The following TOP2B variants were observed in gnomAD, a reference collection of about 807,000 sequenced individuals.
The protein encoded by TOP2B is DNA topoisomerase 2-beta.
TOP2B carries 51 observed loss-of-function variants against 193.5 expected under a neutral mutation model. The ratio of observed to expected loss-of-function variants is 0.26; its 90% CI spans 0.21 to 0.33. TOP2B has a LOEUF of 0.33. Among genes scored for constraint, TOP2B ranks in the 10% least tolerant of loss-of-function variants. TOP2B has a pLI of 1.00. For synonymous variants in TOP2B, 634 were observed against 635.7 expected, an observed-to-expected ratio of 1.00 and a Z score of 0.04; for missense variants, 1,378 against 1,909.3, an observed-to-expected ratio of 0.72 and a Z score of 5.19.
Position 25,633,774 on chromosome 3 carries a change from T to C in TOP2B, c.1026+67A>G, listed in dbSNP as rs1040829369. ...TTTGGGGGTTGTGGATATTGTTATT[T>C]GTTTTGTAGTTTTTATTGAAGTACT... On this transcript the variant is annotated intron_variant, in intron 8 of 35. Coordinates refer to ENST00000264331, the MANE Select transcript of TOP2B (RefSeq NM_001330700.2). 6 of 1,339,704 alleles carry C rather than the reference T, an allele frequency of 4.5e-6. No homozygotes were observed. The African/African-American group carries it at 9.0e-5, about 20-fold the overall frequency. The allele number at this position is 1,339,704 out of a possible 1,614,324, so 83.0% of individuals were successfully genotyped here. A position where few individuals can be genotyped will look rare whatever the true frequency, so the allele number is the denominator to read the frequency against.
Position 25,627,177 on chromosome 3 carries a change from A to G in TOP2B, c.2016+10T>C. Reference sequence around the variant, plus strand: ...GCTAACAAAAGCTTTTAAAAAATTAACTTAATTACCAAGGTAATGGCAGCA... The same window carrying G: ...GCTAACAAAAGCTTTTAAAAAATTAGCTTAATTACCAAGGTAATGGCAGCA... On this transcript the variant is annotated intron_variant, in intron 16 of 35. Coordinates refer to ENST00000264331, the MANE Select transcript of TOP2B (RefSeq NM_001330700.2). The G allele has an allele frequency of 6.3e-7, 1 of 1,578,196 alleles. No individual in the cohort carries two copies. The highest frequency in any genetic ancestry group is 8.6e-7 in the Non-Finnish European group (1 of 1,160,250).
Position 25,607,286 on chromosome 3 carries a change from A to C in TOP2B, c.4183T>G (p.Leu1395Val), listed in dbSNP as rs115100264. The change falls in exon 31 of 36, where the codon TTG becomes GTG. Residue 1395 changes from leucine to valine, a missense_variant. Physicochemically the swap from Leu to Val is conservative, Grantham distance 32. This residue lies in a region of TOP2B where 556 missense variants were observed against 584.2 expected (regional missense o/e 0.95). Coordinates refer to ENST00000264331, the MANE Select transcript of TOP2B (RefSeq NM_001330700.2). Reference sequence around the variant, plus strand: ...GTTATGGGAGATGCTTTAACTTTCAATTCCTCTAAATCATTATTGTCATCA... The same window carrying C: ...GTTATGGGAGATGCTTTAACTTTCACTTCCTCTAAATCATTATTGTCATCA... ...DDDDNNDLEE[L>V]KVKASPITND... 4 of 1,564,692 alleles carry C rather than the reference A, an allele frequency of 2.6e-6. No homozygotes were observed. The African/African-American group carries it at 5.4e-5, about 21-fold the overall frequency.
intron 1 of TOP2B, among the ~76,000 whole-genome samples, chr3:25,663,704 C>T (rs777039307): frequency 1.3e-5 from 2 of 152,142 alleles, no homozygotes; most frequent in Non-Finnish European, 2.9e-5. Flanking sequence ...CAATTGAGCG[C>T]ATTGAATGAG....
At chr3:25,643,577 G>C (rs946845026) in intron 3 of TOP2B, 117 bp downstream of exon 3, 3 of 694,194 alleles carry the variant, frequency 4.3e-6, no homozygotes, top group Middle Eastern at 2.8e-4. Context: ...TATTCAGAAG[G>C]ATAAAAGCCA....
chr3:25,601,293 T>C (rs541759913), intron 33 of TOP2B, 68 bp from the exon 34 acceptor site: 64 of 1,523,132 alleles, frequency 4.2e-5, no homozygotes, highest in East Asian at 4.2e-4. Flanking sequence ...GAGAGTCCTA[T>C]ATAAATGGAA....
intron 28 of TOP2B, among the ~76,000 whole-genome samples, chr3:25,611,994 G>A (rs1389648222): frequency 6.6e-6 from 1 of 151,804 alleles, no homozygotes; most frequent in South Asian, 2.1e-4. Flanking sequence ...CCAGGCTGGA[G>A]TGCAGTGGCA....
chr3:25,634,776 A>C (rs1401861812), intron 7 of TOP2B, among the ~76,000 whole-genome samples: 8 of 102,780 alleles, frequency 7.8e-5, no homozygotes, highest in Non-Finnish European at 1.4e-4. Flanking sequence ...TATCTCCCTT[A>C]CCAAAAAAAA....
chr3:25,613,711 G>A (rs1702437367), intron 27 of TOP2B, among the ~76,000 whole-genome samples: 2 of 151,014 alleles, frequency 1.3e-5, no homozygotes, highest in African/African-American at 4.9e-5. Context: ...CTGGGTGACA[G>A]AGCAAGACCA....
intron 1 of TOP2B, among the ~76,000 whole-genome samples, chr3:25,648,435 G>A (rs561953567): frequency 1.6e-4 from 24 of 152,300 alleles, no homozygotes; most frequent in Admixed American, 1.0e-3. Flanking sequence ...CTAACTGGAT[G>A]AAGAAAGTCT....
chr3:25,632,930 G>GA, intron 8 of TOP2B, 136 bp from the exon 9 acceptor site: 1 of 759,996 alleles, frequency 1.3e-6, no homozygotes, highest in Non-Finnish European at 2.1e-6. Flanking sequence ...AAAAAAATAA[G>GA]ACATTTTGGC....
At chr3:25,612,773 C>A in intron 27 of TOP2B, 64 bp from the exon 28 acceptor site, 1 of 1,219,428 alleles carries the variant, frequency 8.2e-7, no homozygotes, top group Non-Finnish European at 1.2e-6. Flanking sequence ...ATCACTACTT[C>A]ATAAAATACT....
At chr3:25,606,518 C>T (rs922030649) in intron 31 of TOP2B, among the ~76,000 whole-genome samples, 2 of 152,130 alleles carry the variant, frequency 1.3e-5, no homozygotes, top group East Asian at 3.9e-4. Context: ...TGGACAAAAA[C>T]CCAAGGAAAA....
intron 1 of TOP2B, among the ~76,000 whole-genome samples, chr3:25,648,499 G>A (rs1703477172): frequency 1.3e-5 from 2 of 152,126 alleles, no homozygotes; most frequent in Non-Finnish European, 2.9e-5. Context: ...GCCTTCAAAT[G>A]CCAAAGCCCT....
intron 31 of TOP2B, 137 bp downstream of exon 31, chr3:25,607,034 A>G: frequency 2.3e-6 from 3 of 1,288,814 alleles, no homozygotes; most frequent in Non-Finnish European, 3.1e-6. Flanking sequence ...AACAGCTGCA[A>G]TATTAACAAG....
At chr3:25,608,798 A>T (rs1354313105) in intron 30 of TOP2B, among the ~76,000 whole-genome samples, 1 of 152,204 alleles carries the variant, frequency 6.6e-6, no homozygotes, top group Non-Finnish European at 1.5e-5. Context: ...CTATGTACTC[A>T]GACTTTTAAA....
At chr3:25,651,086 C>T (rs905388250) in intron 1 of TOP2B, among the ~76,000 whole-genome samples, 1 of 152,104 alleles carries the variant, frequency 6.6e-6, no homozygotes, top group African/African-American at 2.4e-5. Context: ...TCTCATAATA[C>T]ACATTTTCCA....
Position 25,632,650 on chromosome 3 carries a change from T to C in TOP2B, c.1128+43A>G, listed in dbSNP as rs199997029. 3.1e-6 allele frequency: 5 copies of C among 1,595,628 alleles called. No homozygotes were observed. In the East Asian group the frequency reaches 1.1e-4, roughly 36 times the overall value. ...ATTTAGTAATTCAGTATATATATAA[T>C]GCATATGTATGCATCATGTACAATA... On this transcript the variant is annotated intron_variant, in intron 9 of 35. Coordinates refer to ENST00000264331, the MANE Select transcript of TOP2B (RefSeq NM_001330700.2).
chr3:25,613,351 C>G (rs777741020), intron 27 of TOP2B, among the ~76,000 whole-genome samples: 2 of 152,082 alleles, frequency 1.3e-5, no homozygotes, highest in African/African-American at 4.8e-5. Context: ...CTTTGTAGCA[C>G]AACAGTTTAA....
rs553231651 is a variant in TOP2B at position 25,663,031 on chromosome 3, T to C, written c.69+1198A>G. ...ATTTTCTCTCCTGGCCCTAGTCCCT[T>C]CATACTTTCATTCTACATAATCGGA... On this transcript the variant is annotated intron_variant, in intron 1 of 35. Coordinates refer to ENST00000264331, the MANE Select transcript of TOP2B (RefSeq NM_001330700.2). 3.9e-5 allele frequency among the ~76,000 whole-genome samples: 6 copies of C among 152,294 alleles called. No homozygotes were observed. The East Asian group carries it at 1.2e-3, about 29-fold the overall frequency.
Sources: gnomAD v4.1 joint callset for allele counts (sites outside exome capture counted in the v4.1 genomes callset) on GRCh38, gnomAD v4.1.1 for gene constraint, gnomAD v4.1.1 regional missense constraint, MANE v1.5 for transcripts, NCBI Gene and HGNC (gene_info 2026-07-23, HGNC 2026-07-21) for gene names.